The following RBPJ variants were observed in gnomAD, a reference collection of about 807,000 sequenced individuals.
The protein encoded by RBPJ is recombination signal binding protein for immunoglobulin kappa J region.
A neutral mutation model predicts 67.8 loss-of-function variants in RBPJ; 9 were observed. That is an observed-to-expected ratio of 0.13 (90% CI 0.08 to 0.23). The LOEUF (loss-of-function observed/expected upper bound fraction) is 0.23. Among genes scored for constraint, RBPJ ranks in the 10% least tolerant of loss-of-function variants. RBPJ has a pLI of 1.00. For synonymous variants in RBPJ, 198 were observed against 203.3 expected, an observed-to-expected ratio of 0.97 and a Z score of 0.22; for missense variants, 305 against 595.6, an observed-to-expected ratio of 0.51 and a Z score of 5.08.
intron 2 of RBPJ, among the ~76,000 whole-genome samples, chr4:26,394,799 T>C (rs1731949812): frequency 6.6e-6 from 1 of 152,210 alleles, no homozygotes; most frequent in Non-Finnish European, 1.5e-5. Context: ...CTAAAGAACG[T>C]AATCTTAACC....
intron 2 of RBPJ, among the ~76,000 whole-genome samples, chr4:26,389,898 CT>C (rs778267102): frequency 6.6e-6 from 1 of 152,128 alleles, no homozygotes; most frequent in Non-Finnish European, 1.5e-5. Flanking sequence ...CATACATACT[CT>C]TTCAGAAAAT....
chr4:26,206,484 T>C (rs768759460), intron 1 of RBPJ, among the ~76,000 whole-genome samples: 2 of 152,198 alleles, frequency 1.3e-5, no homozygotes, highest in Non-Finnish European at 2.9e-5. Flanking sequence ...GGTTAACTTC[T>C]GGAAGTATCT....
At position 26,218,203 on chromosome 4, in the gene RBPJ, G is replaced by A. The variant is rs981256591; in HGVS notation, c.-167+54589G>A. Among the ~76,000 whole-genome samples, 19 of 152,324 alleles carry A rather than the reference G, an allele frequency of 1.2e-4. No individual in the cohort carries two copies. In the East Asian group the frequency reaches 2.9e-3, roughly 23 times the overall value. On this transcript the variant is annotated intron_variant, in intron 1 of 4. Transcript: ENST00000512351. ...CCTATGCGAAGGCAATCAGGGTGCC[G>A]TTATCCACCCAGCTGTCGCCGGTGG...
At chr4:26,236,758 G>A (rs1204652834) in intron 1 of RBPJ, among the ~76,000 whole-genome samples, 2 of 152,164 alleles carry the variant, frequency 1.3e-5, no homozygotes, top group African/African-American at 2.4e-5. Context: ...GGCCCTTTTG[G>A]AGATTTCTGC....
chr4:26,132,326 AC>A, the RBPJ span, among the ~76,000 whole-genome samples: 35 of 152,044 alleles, frequency 2.3e-4, no homozygotes, highest in African/African-American at 8.2e-4. Flanking sequence ...CTCAGTAAGA[AC>A]CCTCTTCCCC....
At chr4:26,402,495 T>C (rs1024737653) in intron 2 of RBPJ, among the ~76,000 whole-genome samples, 1 of 152,240 alleles carries the variant, frequency 6.6e-6, no homozygotes, top group African/African-American at 2.4e-5. Context: ...CCTCTCATTT[T>C]ACGAATAAAA....
intron 1 of RBPJ, among the ~76,000 whole-genome samples, chr4:26,166,662 G>T (rs1252837187): frequency 6.6e-6 from 1 of 151,964 alleles, no homozygotes; most frequent in East Asian, 1.9e-4. Context: ...CTCCCGTTTT[G>T]TAGGTTGCCT....
At chr4:26,191,790 A>G (rs1717560813) in intron 1 of RBPJ, among the ~76,000 whole-genome samples, 1 of 152,144 alleles carries the variant, frequency 6.6e-6, no homozygotes, top group African/African-American at 2.4e-5. Flanking sequence ...AGCAAAATTC[A>G]AGGCAGATAC....
rs34021965 is a variant in RBPJ at position 26,422,211 on chromosome 4, CTT to C, written c.496+1497_496+1498del. ...GGAAGTCATAATATCTGATTATCCC[CTT>C]TTTTTTTTTTGGTCATGTTGAGATT... On this transcript the variant is annotated intron_variant, in intron 5 of 10. Transcript: ENST00000355476. Among the ~76,000 whole-genome samples, 379 of 147,556 alleles carry C rather than the reference CTT, an allele frequency of 2.6e-3. 1 individual carries two copies. Among genetic ancestry groups the C allele is most frequent in the Middle Eastern group, 6.8e-3 (2 of 292 alleles).
chr4:26,214,099 A>G (rs1718528817), intron 1 of RBPJ, among the ~76,000 whole-genome samples: 1 of 151,654 alleles, frequency 6.6e-6, no homozygotes, highest in Non-Finnish European at 1.5e-5. Flanking sequence ...AGCCTGGGCA[A>G]CATAGAGAGA....
intron 1 of RBPJ, among the ~76,000 whole-genome samples, chr4:26,228,268 C>T (rs528416785): frequency 1.3e-5 from 2 of 152,180 alleles, no homozygotes; most frequent in African/African-American, 4.8e-5. Flanking sequence ...CCCCATTTTG[C>T]CATTTTCTCT....
rs185577777 is a variant in RBPJ, at chr4:26,312,145, T to A, written c.-166-50301T>A. ...TTCTTATTTTATTTTATTTTATTTTTTTTTGAGACAGAGTCTCGCTCTGTC... is the reference window on the plus strand; with the variant it reads ...TTCTTATTTTATTTTATTTTATTTTATTTTGAGACAGAGTCTCGCTCTGTC... On this transcript the variant is annotated intron_variant, in intron 1 of 4. Transcript: ENST00000512351. Among the ~76,000 whole-genome samples, 13 of 151,982 alleles carry A rather than the reference T, an allele frequency of 8.6e-5. No homozygotes were observed. The East Asian group carries it at 1.5e-3, about 18-fold the overall frequency.
chr4:26,279,609 G>A (rs570661913), intron 1 of RBPJ, among the ~76,000 whole-genome samples: 12 of 152,108 alleles, frequency 7.9e-5, no homozygotes, highest in African/African-American at 2.4e-4. Flanking sequence ...ACAAATTCCC[G>A]TGGTTGCTTA....
intron 1 of RBPJ, among the ~76,000 whole-genome samples, chr4:26,308,163 C>CT (rs1722301037): frequency 6.6e-6 from 1 of 152,120 alleles, no homozygotes; most frequent in Non-Finnish European, 1.5e-5. Context: ...GTAGTCCCAG[C>CT]TAGTCGGGAG....
chr4:26,386,419 C>T, intron 2 of RBPJ, 28 bp downstream of exon 2: 1 of 1,476,472 alleles, frequency 6.8e-7, no homozygotes, highest in South Asian at 1.2e-5. Context: ...CAGCTTTTTA[C>T]ACATACATTT....
At chr4:26,272,306 C>T (rs1184155344) in intron 1 of RBPJ, among the ~76,000 whole-genome samples, 1 of 152,168 alleles carries the variant, frequency 6.6e-6, no homozygotes, top group Non-Finnish European at 1.5e-5. Context: ...GTGGCTCACA[C>T]CCATAAGCCC....
At chr4:26,429,476 T>G (rs987208477) in intron 8 of RBPJ, among the ~76,000 whole-genome samples, 2 of 152,182 alleles carry the variant, frequency 1.3e-5, no homozygotes, top group Admixed American at 6.5e-5. Context: ...CCATCTTGAT[T>G]CCCTCCCATG....
Position 26,431,089 on chromosome 4 carries a change from T to C in RBPJ, c.*82T>C. On this transcript the variant is annotated 3_prime_UTR_variant, in exon 11 of 11. Coordinates refer to ENST00000355476, the MANE Select transcript of RBPJ (RefSeq NM_015874.6). ...AAAGGAGAAAAAATGAACAATCGTT[T>C]GTGGTTTCTTGGGAAAACTTTTCAT... The C allele has an allele frequency of 7.6e-7, 1 of 1,320,098 alleles. No homozygotes were observed. The highest frequency in any genetic ancestry group is 1.0e-6 in the Non-Finnish European group (1 of 954,594). The allele number at this position is 1,320,098 out of a possible 1,614,324, so 81.8% of individuals were successfully genotyped here.
chr4:26,169,700 G>C (rs1291500173), intron 1 of RBPJ, among the ~76,000 whole-genome samples: 1 of 152,234 alleles, frequency 6.6e-6, no homozygotes, highest in Non-Finnish European at 1.5e-5. Flanking sequence ...AGGCAGGCAG[G>C]CCTCCTTGAG....
Sources: allele counts gnomAD v4.1 joint callset (sites outside exome capture counted in the v4.1 genomes callset), GRCh38; gene constraint gnomAD v4.1.1; transcripts MANE v1.5; gene names NCBI Gene and HGNC (gene_info 2026-07-23, HGNC 2026-07-21).